ENOX2: variants seen among roughly 807,000 people sequenced by gnomAD.
ENOX2 encodes ecto-NOX disulfide-thiol exchanger 2, also known as APK1 antigen.
In ENOX2, 36 loss-of-function variants were observed where a neutral mutation model predicts 45.0. That is an observed-to-expected ratio of 0.80 (90% CI 0.61 to 1.06). ENOX2 has a LOEUF of 1.06. Ranked by LOEUF, ENOX2 falls within the 50% of genes least tolerant of loss-of-function variation. The probability of loss-of-function intolerance (pLI) is 0.00; values close to 1 mark genes in which losing one functional copy is unlikely to be tolerated. For synonymous variants in ENOX2, 174 were observed against 152.3 expected (o/e 1.14, Z -1.05); for missense variants, 423 against 462.5 (o/e 0.91, Z 0.78).
At chrX:130,832,103 G>A (rs774503737) in intron 2 of ENOX2, among the ~76,000 whole-genome samples, 1 of 110,726 alleles carries the variant, frequency 9.0e-6, no homozygotes, top group African/African-American at 3.3e-5. Context: ...TAAACCAGAT[G>A]AGGGACAGGA....
chrX:130,677,815 G>A (rs1397219490), intron 6 of ENOX2, among the ~76,000 whole-genome samples: 1 of 111,333 alleles, frequency 9.0e-6, no homozygotes, highest in Non-Finnish European at 1.9e-5. Flanking sequence ...TGCCAGGCAT[G>A]ATGGCTCACA....
chrX:130,667,673 C>T lies in ENOX2; in HGVS notation c.764G>A (p.Arg255His), dbSNP rs2036871118. ...CATGGAGTAGAAGTTATTGGCGCTA[C>T]GACGGTTGACCTCTCCTCGCTCTAT... ...TWIERGEVNR[R>H]SANNFYSMIQ... is the part of the protein sequence containing the mutation. The change falls in exon 8 of 15, where the codon CGT (arginine) becomes CAT (histidine). Residue 255 changes from arginine to histidine, a missense_variant. Around this residue, in one of 5 missense-constraint regions of ENOX2, gnomAD observed 261 missense variants for 306.8 expected, o/e 0.85. Coordinates refer to ENST00000394363, the MANE Select transcript of ENOX2 (RefSeq NM_006375.4). 5 of 1,210,986 alleles carry T rather than the reference C, an allele frequency of 4.1e-6. No homozygotes were observed. Among genetic ancestry groups the T allele is most frequent in the African/African-American group, 1.7e-5 (1 of 57,793 alleles).
chrX:130,705,592 C>CT (rs2038015599), intron 3 of ENOX2, among the ~76,000 whole-genome samples: 1 of 111,931 alleles, frequency 8.9e-6, no homozygotes, highest in Admixed American at 9.4e-5. Flanking sequence ...GGAAGTTTTG[C>CT]TTTAAATGTC....
intron 2 of ENOX2, among the ~76,000 whole-genome samples, chrX:130,808,920 T>C (rs1243510342): frequency 8.9e-6 from 1 of 112,184 alleles, no homozygotes; most frequent in Non-Finnish European, 1.9e-5. Context: ...TCTTAGTATA[T>C]CATAGAATGC....
chrX:130,631,321 C>G (rs2148009503), intron 13 of ENOX2, 147 bp downstream of exon 13: 2 of 456,430 alleles, frequency 4.4e-6, no homozygotes, highest in Middle Eastern at 6.4e-4. Flanking sequence ...TGTACTTGTT[C>G]TTAACCTATC....
chrX:130,631,140 C>T (rs1392102747), intron 13 of ENOX2, among the ~76,000 whole-genome samples: 1 of 110,781 alleles, frequency 9.0e-6, no homozygotes, highest in Non-Finnish European at 1.9e-5. Flanking sequence ...CCTGAGTGGA[C>T]ATGAGAGGGC....
At chrX:130,769,706 A>G (rs1358998956) in intron 3 of ENOX2, among the ~76,000 whole-genome samples, 1 of 111,764 alleles carries the variant, frequency 8.9e-6, no homozygotes. Flanking sequence ...CTTCCATCCA[A>G]CATCACCTGA....
chrX:130,712,396 T>C (rs1471706845), intron 3 of ENOX2, among the ~76,000 whole-genome samples: 1 of 111,384 alleles, frequency 9.0e-6, no homozygotes, highest in Non-Finnish European at 1.9e-5. Context: ...TCCCAATAAA[T>C]AAAAACACCT....
At chrX:130,810,669 G>T (rs941471835) in intron 2 of ENOX2, among the ~76,000 whole-genome samples, 8 of 112,523 alleles carry the variant, frequency 7.1e-5, no homozygotes, top group Non-Finnish European at 1.5e-4. Flanking sequence ...TTTCAGGCCT[G>T]CCCAGTGCCA....
At chrX:130,777,373 T>C (rs1466142320) in intron 3 of ENOX2, among the ~76,000 whole-genome samples, 1 of 108,744 alleles carries the variant, frequency 9.2e-6, no homozygotes, top group African/African-American at 3.4e-5. Context: ...GTGGTGCACA[T>C]TTGTAGTTCC....
At chrX:130,732,207 T>C (rs1287021954) in intron 3 of ENOX2, among the ~76,000 whole-genome samples, 1 of 111,882 alleles carries the variant, frequency 8.9e-6, no homozygotes, top group Non-Finnish European at 1.9e-5. Context: ...ACACTAACAC[T>C]GAACTATCTG....
intron 2 of ENOX2, among the ~76,000 whole-genome samples, chrX:130,867,321 T>C (rs1421980320): frequency 8.9e-6 from 1 of 111,930 alleles, no homozygotes; most frequent in African/African-American, 3.2e-5. Context: ...TTTCAGATAA[T>C]TGTAGATATT....
chrX:130,646,371 C>G (rs141860215), intron 10 of ENOX2: 1 of 233,132 alleles, frequency 4.3e-6, no homozygotes, highest in African/African-American at 2.9e-5. Flanking sequence ...GGAGGCCCCA[C>G]TGAAGAACTC....
intron 2 of ENOX2, among the ~76,000 whole-genome samples, chrX:130,900,758 C>T (rs997048607): frequency 6.2e-5 from 7 of 112,067 alleles, no homozygotes; most frequent in Non-Finnish European, 1.3e-4. Context: ...CAGTGAGTCA[C>T]ACCTTCCTTT....
At chrX:130,669,896 A>C (rs2036932267) in intron 7 of ENOX2, 69 bp downstream of exon 7, 1 of 783,634 alleles carries the variant, frequency 1.3e-6, no homozygotes, top group East Asian at 3.2e-5. Flanking sequence ...TCAACAATGC[A>C]ATTATATTTA....
rs1276059454 is a variant in ENOX2 at position 130,622,561 on chromosome X, A to G, written c.*2753T>C. On this transcript the variant is annotated 3_prime_UTR_variant, in exon 15 of 15. Coordinates refer to ENST00000394363, the MANE Select transcript of ENOX2 (RefSeq NM_006375.4). ...AAAAAATCATTTGTAAAACAAAAGA[A>G]ACCTTCCATTCATTATTATATTGAA... Among the ~76,000 whole-genome samples, 4 of 111,954 alleles carry G rather than the reference A, an allele frequency of 3.6e-5. No homozygotes were observed. The highest frequency in any genetic ancestry group is 7.5e-5 in the Non-Finnish European group (4 of 53,231).
At chrX:130,824,376 T>C (rs1422464637) in intron 2 of ENOX2, among the ~76,000 whole-genome samples, 1 of 111,822 alleles carries the variant, frequency 8.9e-6, no homozygotes, top group Admixed American at 9.5e-5. Context: ...TTTTTAGTGA[T>C]AGCAACTCTC....
At chrX:130,858,662 T>C (rs2078355618) in intron 2 of ENOX2, among the ~76,000 whole-genome samples, 1 of 111,306 alleles carries the variant, frequency 9.0e-6, no homozygotes, top group Admixed American at 9.5e-5. Flanking sequence ...CTTGTGAGTA[T>C]TGGCTGTATT....
intron 6 of ENOX2, among the ~76,000 whole-genome samples, chrX:130,677,875 T>TC (rs941624605): frequency 1.8e-5 from 2 of 110,612 alleles, no homozygotes; most frequent in Non-Finnish European, 3.8e-5. Context: ...TCACCTGAGG[T>TC]CAGGAGTTCG....
Sources: gnomAD v4.1 joint callset for allele counts (sites outside exome capture counted in the v4.1 genomes callset) on GRCh38, gnomAD v4.1.1 for gene constraint, gnomAD v4.1.1 regional missense constraint, MANE v1.5 for transcripts, NCBI Gene and HGNC (gene_info 2026-07-23, HGNC 2026-07-21) for gene names.